CNTN1: variants seen among roughly 807,000 people sequenced by gnomAD.
CNTN1 encodes contactin 1, also known as contactin-1.
CNTN1 carries 38 observed loss-of-function variants against 126.4 expected under a neutral mutation model. The ratio of observed to expected loss-of-function variants is 0.30; its 90% CI spans 0.23 to 0.39. The LOEUF is 0.39. CNTN1 is among the 10% of genes least tolerant of loss of function. The pLI, the probability that CNTN1 is intolerant of heterozygous loss-of-function variation, is 1.00. For missense variants in CNTN1, 1,009 were observed against 1,248.4 expected (o/e 0.81, Z 2.89); for synonymous variants, 413 against 422.6 (o/e 0.98, Z 0.28).
At chr12:40,918,861 G>C in intron 4 of CNTN1, 90 bp downstream of exon 4, 1 of 1,488,862 alleles carries the variant, frequency 6.7e-7, no homozygotes, top group Non-Finnish European at 9.4e-7. Flanking sequence ...GTAATATAGT[G>C]CTTTCTGCAA....
intron 1 of CNTN1, among the ~76,000 whole-genome samples, chr12:40,778,533 CA>C (rs1939674769): frequency 6.6e-6 from 1 of 151,732 alleles, no homozygotes; most frequent in South Asian, 2.1e-4. Flanking sequence ...CTCAATTCTA[CA>C]AATAGACAAA....
intron 1 of CNTN1, among the ~76,000 whole-genome samples, chr12:40,906,689 T>G (rs370269805): frequency 1.4e-4 from 20 of 146,682 alleles, no homozygotes; most frequent in African/African-American, 3.8e-4. Flanking sequence ...GTTTTGTTTT[T>G]TTTGAGATGG....
At chr12:40,894,204 C>A (rs1433291182) in intron 1 of CNTN1, among the ~76,000 whole-genome samples, 1 of 152,058 alleles carries the variant, frequency 6.6e-6, no homozygotes, top group Non-Finnish European at 1.5e-5. Flanking sequence ...ACCTATATAA[C>A]AGCTTCTTCA....
chr12:40,810,594 ATTTT>A (rs35584090), intron 1 of CNTN1, among the ~76,000 whole-genome samples: 4 of 148,090 alleles, frequency 2.7e-5, no homozygotes, highest in Non-Finnish European at 6.0e-5. Flanking sequence ...TATGAGATTG[ATTTT>A]TTTTTTTTTT....
chr12:41,043,262 G>A (rs1949460534), intron 23 of CNTN1, among the ~76,000 whole-genome samples: 1 of 151,970 alleles, frequency 6.6e-6, no homozygotes, highest in South Asian at 2.1e-4. Context: ...CTGACAAAGG[G>A]CTAATATCCA....
intron 1 of CNTN1, among the ~76,000 whole-genome samples, chr12:40,829,577 C>T (rs1196946236): frequency 6.6e-6 from 1 of 151,984 alleles, no homozygotes; most frequent in African/African-American, 2.4e-5. Flanking sequence ...TTATGCATTT[C>T]AATTCTGCTA....
intron 23 of CNTN1, among the ~76,000 whole-genome samples, chr12:41,067,078 ACTC>A (rs1361056701): frequency 6.6e-6 from 1 of 151,912 alleles, no homozygotes; most frequent in African/African-American, 2.4e-5. Flanking sequence ...ATATTGAAAA[ACTC>A]CTCAAGAATA....
At chr12:40,949,377 C>T (rs1478786290) in intron 14 of CNTN1, among the ~76,000 whole-genome samples, 1 of 150,950 alleles carries the variant, frequency 6.6e-6, no homozygotes, top group Non-Finnish European at 1.5e-5. Context: ...CACCCACTAA[C>T]TCGTCATCTA....
chr12:40,767,645 TTTGTTTGA>T (rs879498624), intron 1 of CNTN1, among the ~76,000 whole-genome samples: 2 of 146,954 alleles, frequency 1.4e-5, no homozygotes, highest in African/African-American at 2.5e-5. Flanking sequence ...TGTTTGTTTG[TTTGTTTGA>T]GACGGCGTCT....
Position 41,070,707 on chromosome 12 carries a change from T to C in CNTN1, c.*672T>C, listed in dbSNP as rs1950141660. The C allele has an allele frequency of 6.6e-6, 1 of 152,208 alleles. No homozygotes were observed. The allele number at this position is 152,208 out of a possible 1,614,324, so 9.4% of individuals were successfully genotyped here. A position where few individuals can be genotyped will look rare whatever the true frequency, so the allele number is the denominator to read the frequency against. The stretch of plus-strand genomic sequence containing the variant: ...TTTTCTAAATATTTGATTTTCAGAA[T>C]CAGTTTTTTAATAGTAAAGTTAACA... On this transcript the variant is annotated 3_prime_UTR_variant, in exon 24 of 24. Transcript: ENST00000551295.
chr12:41,020,623 G>A (rs1948885867), intron 20 of CNTN1, among the ~76,000 whole-genome samples, 183 bp downstream of exon 20: 1 of 152,034 alleles, frequency 6.6e-6, no homozygotes, highest in Non-Finnish European at 1.5e-5. Flanking sequence ...GTTCCTAACT[G>A]GCCTATCTAG....
chr12:40,972,016 A>T, intron 15 of CNTN1: 1 of 986,728 alleles, frequency 1.0e-6, no homozygotes, highest in East Asian at 1.1e-4. Flanking sequence ...AGTACCATAC[A>T]TATTCTTTGG....
At chr12:40,814,350 A>C (rs1941188491) in intron 1 of CNTN1, among the ~76,000 whole-genome samples, 1 of 152,196 alleles carries the variant, frequency 6.6e-6, no homozygotes, top group Non-Finnish European at 1.5e-5. Context: ...TGAGTCTTTA[A>C]GCCATCTTGA....
At position 41,068,383 on chromosome 12, in the gene CNTN1, G is replaced by A. The variant is rs531885559; in HGVS notation, c.2981-1576G>A. On this transcript the variant is annotated intron_variant, in intron 23 of 23. Transcript: ENST00000551295. Reference sequence around the variant, plus strand: ...ATTGTTATTGATAGTGTCCTTAGGAGCTCTGCTACTTGAGGGCTGTTTATA... The same window carrying A: ...ATTGTTATTGATAGTGTCCTTAGGAACTCTGCTACTTGAGGGCTGTTTATA... Among the ~76,000 whole-genome samples the A allele has an allele frequency of 8.5e-5, 13 of 152,230 alleles. No individual in the cohort carries two copies. The East Asian group carries it at 1.5e-3, about 18-fold the overall frequency.
intron 23 of CNTN1, among the ~76,000 whole-genome samples, chr12:41,064,778 T>TAGATAGAC (rs1950014474): frequency 6.6e-6 from 1 of 151,304 alleles, no homozygotes; most frequent in Non-Finnish European, 1.5e-5. Flanking sequence ...TCTAGATAGA[T>TAGATAGAC]AGATAGATAG....
At chr12:40,700,054 T>C (rs911685452) in intron 1 of CNTN1, among the ~76,000 whole-genome samples, 1 of 152,188 alleles carries the variant, frequency 6.6e-6, no homozygotes, top group African/African-American at 2.4e-5. Flanking sequence ...GACAGAACTT[T>C]TTGCTTTAAA....
chr12:40,788,382 C>T (rs183433646), intron 1 of CNTN1, among the ~76,000 whole-genome samples: 14 of 152,224 alleles, frequency 9.2e-5, no homozygotes, highest in Non-Finnish European at 1.5e-4. Context: ...CCTACATGTC[C>T]ACCCTGATGC....
intron 1 of CNTN1, among the ~76,000 whole-genome samples, chr12:40,827,528 C>T (rs763677578): frequency 1.1e-4 from 16 of 152,092 alleles, no homozygotes; most frequent in South Asian, 6.2e-4. Context: ...GAAATGATAG[C>T]GAAAAGCCAA....
Position 40,993,275 on chromosome 12 carries a change from T to C in CNTN1, c.2113+6T>C. 2 of 1,612,728 alleles carry C rather than the reference T, an allele frequency of 1.2e-6. No homozygotes were observed. Reference sequence around the variant, plus strand: ...AATTAAAACAGACGGTGCTGGTATGTATATACAAGAAACTTGAAATTTTAA... The same window carrying C: ...AATTAAAACAGACGGTGCTGGTATGCATATACAAGAAACTTGAAATTTTAA... On this transcript the variant is annotated splice_donor_region_variant and intron_variant, in intron 17 of 23. Coordinates refer to ENST00000551295, the MANE Select transcript of CNTN1 (RefSeq NM_001843.4).
Sources: gnomAD v4.1 joint callset for allele counts (sites outside exome capture counted in the v4.1 genomes callset) on GRCh38, gnomAD v4.1.1 for gene constraint, MANE v1.5 for transcripts, NCBI Gene and HGNC (gene_info 2026-07-23, HGNC 2026-07-21) for gene names.